ANKRD28: variants seen among roughly 807,000 people sequenced by gnomAD.
ANKRD28 encodes the protein ankyrin repeat domain 28, also known as serine/threonine-protein phosphatase 6 regulatory ankyrin repeat subunit A.
ANKRD28 carries 44 observed loss-of-function variants against 126.5 expected under a neutral mutation model. That is an observed-to-expected ratio of 0.35 (90% CI 0.27 to 0.45). The LOEUF (loss-of-function observed/expected upper bound fraction) is 0.45. Ranked by LOEUF, ANKRD28 falls within the 20% of genes least tolerant of loss-of-function variation. The pLI is 1.00. For missense variants in ANKRD28, 1,110 were observed against 1,316.6 expected (o/e 0.84, Z 2.43); for synonymous variants, 442 against 468.5 (o/e 0.94, Z 0.73).
intron 1 of ANKRD28, among the ~76,000 whole-genome samples, chr3:15,851,730 T>C (rs6805928): frequency 0.67 from 101,909 of 151,960 alleles, 34,688 homozygotes; most frequent in East Asian, 0.91. Context: ...GAAAACAGAA[T>C]AGTTCCTCAA....
chr3:15,857,578 C>T (rs536898657), intron 1 of ANKRD28, among the ~76,000 whole-genome samples: 299 of 152,334 alleles, frequency 2.0e-3, no homozygotes, highest in Admixed American at 2.9e-3. Flanking sequence ...AGCCACCGCG[C>T]CTGGCCGCAA....
upstream of ANKRD28, chr3:15,798,070 T>C: frequency 1.0e-6 from 1 of 985,424 alleles, no homozygotes; most frequent in Non-Finnish European, 1.2e-6. Context: ...ATGCCAGTTC[T>C]GTGACTAATC....
intron 2 of ANKRD28, among the ~76,000 whole-genome samples, chr3:15,789,718 G>C (rs1363596458): frequency 6.6e-6 from 1 of 151,936 alleles, no homozygotes; most frequent in Admixed American, 6.6e-5. Context: ...TAAAACTCTA[G>C]TATTTGCTAG....
rs1246699377 is a variant in ANKRD28 at position 15,668,254 on chromosome 3, T to C, written c.*2016A>G. 4.6e-5 allele frequency: 7 copies of C among 152,166 alleles called. No individual in the cohort carries two copies. Among genetic ancestry groups the C allele is most frequent in the Non-Finnish European group, 1.0e-4 (7 of 68,034 alleles). 9.4% of individuals were successfully genotyped at this position (152,166 alleles called of 1,614,324 possible). On this transcript the variant is annotated 3_prime_UTR_variant, in exon 28 of 28. Transcript: ENST00000683139. ...AGAGACTGGATGAACCTCAGGTCTCTTTCAATTCTGAGATTCTAGAAAATT... is the reference window on the plus strand; with the variant it reads ...AGAGACTGGATGAACCTCAGGTCTCCTTCAATTCTGAGATTCTAGAAAATT...
At chr3:15,836,617 C>A (rs370794541) in intron 1 of ANKRD28, among the ~76,000 whole-genome samples, 2 of 152,040 alleles carry the variant, frequency 1.3e-5, no homozygotes, top group Non-Finnish European at 2.9e-5. Flanking sequence ...CAGGCTGAAA[C>A]GATGGAAAAA....
chr3:15,805,410 T>C (rs943290695), intron 1 of ANKRD28, among the ~76,000 whole-genome samples: 19 of 152,312 alleles, frequency 1.2e-4, no homozygotes, highest in African/African-American at 4.6e-4. Context: ...AAAGTTGTGA[T>C]ACTTTTTAAA....
At chr3:15,741,223 A>G (rs2075446582) in intron 4 of ANKRD28, among the ~76,000 whole-genome samples, 1 of 152,024 alleles carries the variant, frequency 6.6e-6, no homozygotes, top group African/African-American at 2.4e-5. Flanking sequence ...AAAAACAAAA[A>G]ACGTGTCAGA....
intron 2 of ANKRD28, among the ~76,000 whole-genome samples, chr3:15,770,555 A>C (rs1368874629): frequency 6.6e-6 from 1 of 152,210 alleles, no homozygotes; most frequent in African/African-American, 2.4e-5. Context: ...AAAGGCAGGC[A>C]TGTGGCTAGG....
chr3:15,832,751 A>C (rs1421396666), intron 1 of ANKRD28, among the ~76,000 whole-genome samples: 1 of 152,178 alleles, frequency 6.6e-6, no homozygotes, highest in Non-Finnish European at 1.5e-5. Flanking sequence ...AATGGGCTCC[A>C]ATTCCATCCA....
In ANKRD28 at chr3:15,830,987, G is replaced by T. The variant is rs1055213007; in HGVS notation, c.27+28390C>A. ...TCCTTGCGTGTCACCATATATTGTT[G>T]CTGGGAAAAGTAAGCACTGTCTGCA... On this transcript the variant is annotated intron_variant, in intron 1 of 27. Coordinates refer to the ANKRD28 transcript ENST00000399451. This position sits in a 1 kb window ranked among gnomAD's most constrained non-coding sequence, Gnocchi z 4.5. Among the ~76,000 whole-genome samples, 2 of 152,124 alleles carry T rather than the reference G, an allele frequency of 1.3e-5. No individual in the cohort carries two copies. Among genetic ancestry groups the T allele is most frequent in the Non-Finnish European group, 2.9e-5 (2 of 68,026 alleles).
intron 3 of ANKRD28, among the ~76,000 whole-genome samples, chr3:15,752,762 A>G (rs1424567578): frequency 1.3e-5 from 2 of 152,216 alleles, no homozygotes; most frequent in Non-Finnish European, 2.9e-5. Flanking sequence ...TAACAGAAAC[A>G]AAGCTTCATA....
In ANKRD28 at chr3:15,859,308, C is replaced by A. The variant is rs1020485880; in HGVS notation, c.27+69G>T. The A allele has an allele frequency of 5.3e-6, 8 of 1,507,952 alleles. No individual in the cohort carries two copies. In the South Asian group the frequency reaches 9.9e-5, roughly 19 times the overall value. The allele number at this position is 1,507,952 out of a possible 1,614,324, so 93.4% of individuals were successfully genotyped here. ...GCCGAGCGGGCGTCCCAGCGGCCCACACCGCCGGTCCGCCCTGCTTCCCTT... is the reference window on the plus strand; with the variant it reads ...GCCGAGCGGGCGTCCCAGCGGCCCAAACCGCCGGTCCGCCCTGCTTCCCTT... On this transcript the variant is annotated intron_variant, in intron 1 of 27. Coordinates refer to the ANKRD28 transcript ENST00000399451.
chr3:15,829,729 C>T (rs981025366), intron 1 of ANKRD28, among the ~76,000 whole-genome samples: 7 of 152,082 alleles, frequency 4.6e-5, no homozygotes, highest in African/African-American at 1.7e-4. Flanking sequence ...GTAGCAAGCT[C>T]AAGGTGGCCG....
intron 2 of ANKRD28, among the ~76,000 whole-genome samples, chr3:15,769,209 A>T (rs2058886311): frequency 6.6e-6 from 1 of 152,212 alleles, no homozygotes; most frequent in South Asian, 2.1e-4. Context: ...TGCCTCTCGA[A>T]TCCCATTAAT....
chr3:15,746,796 T>C (rs992543250), intron 4 of ANKRD28, among the ~76,000 whole-genome samples: 4 of 152,198 alleles, frequency 2.6e-5, no homozygotes, highest in African/African-American at 4.8e-5. Flanking sequence ...AAATGTTTGA[T>C]AGAATTCAGC....
At chr3:15,752,029 GTTT>G (rs765219403) in intron 3 of ANKRD28, among the ~76,000 whole-genome samples, 1 of 151,824 alleles carries the variant, frequency 6.6e-6, no homozygotes, top group Non-Finnish European at 1.5e-5. Context: ...TAAAGTCTTA[GTTT>G]TTTAATTTAA....
chr3:15,718,558 T>TA (rs1488759713), intron 8 of ANKRD28, among the ~76,000 whole-genome samples: 1 of 152,116 alleles, frequency 6.6e-6, no homozygotes, highest in East Asian at 1.9e-4. Flanking sequence ...TATAGTCACC[T>TA]AAGTAGACAC....
At chr3:15,820,400 G>A (rs1285875923) in intron 1 of ANKRD28, among the ~76,000 whole-genome samples, 1 of 152,062 alleles carries the variant, frequency 6.6e-6, no homozygotes, top group African/African-American at 2.4e-5. Flanking sequence ...AAAAAAAGAG[G>A]AATATGTTAA....
chr3:15,835,702 C>T (rs1443189331), intron 1 of ANKRD28, among the ~76,000 whole-genome samples: 3 of 152,186 alleles, frequency 2.0e-5, no homozygotes, highest in African/African-American at 7.2e-5. Flanking sequence ...CTTCGCAATC[C>T]TTAGTCAACT....
Sources: gnomAD v4.1 joint callset for allele counts (sites outside exome capture counted in the v4.1 genomes callset) on GRCh38, gnomAD v4.1.1 for gene constraint, Gnocchi (gnomAD v3.1) non-coding constraint, MANE v1.5 for transcripts, NCBI Gene and HGNC (gene_info 2026-07-23, HGNC 2026-07-21) for gene names.